The following TMEM106C variants were observed in gnomAD, a reference collection of about 807,000 sequenced individuals.
The protein encoded by TMEM106C is endoplasmic reticulum membrane protein overexpressed in cancer.
A neutral mutation model predicts 30.8 loss-of-function variants in TMEM106C; 27 were observed. The ratio of observed to expected loss-of-function variants is 0.88; its 90% CI spans 0.65 to 1.21. The LOEUF is 1.21. Among genes scored for constraint, TMEM106C ranks in the 50% most tolerant of loss-of-function variants. TMEM106C has a pLI of 0.00. For synonymous variants in TMEM106C, 123 were observed against 118.8 expected (o/e 1.04, Z -0.23); for missense variants, 288 against 307.8 (o/e 0.94, Z 0.48).
chr12:47,966,704 G>A lies in TMEM106C; in HGVS notation c.574G>A (p.Glu192Lys), dbSNP rs778191373. 5.0e-6 allele frequency: 8 copies of A among 1,614,066 alleles called. No individual in the cohort carries two copies. The highest frequency in any genetic ancestry group is 4.0e-5 in the African/African-American group (3 of 74,910). The change falls in exon 6 of 8, where the codon GAG becomes AAG. Residue 192 changes from glutamate to lysine, a missense_variant. Glu to Lys is a moderately conservative substitution (Grantham distance 56). Coordinates refer to ENST00000429772, the MANE Select transcript of TMEM106C (RefSeq NM_001143842.2). ...EQLVNFTGKAEMGGPFSYVYF... is the reference protein window; with the variant it reads ...EQLVNFTGKAKMGGPFSYVYF... ...TCAGGTGAATTTTACCGGGAAGGCC[G>A]AGATGGGAGGACCGTTTTCCTATGT...
chr12:47,968,107 A>C, intron 7 of TMEM106C, 26 bp from the exon 8 acceptor site: 1 of 1,588,854 alleles, frequency 6.3e-7, no homozygotes, highest in East Asian at 2.2e-5. Context: ...AACATAATTA[A>C]TTCTTCTTGG....
At chr12:47,966,471 C>G in intron 5 of TMEM106C, 1 of 692,280 alleles carries the variant, frequency 1.4e-6, no homozygotes, top group Non-Finnish European at 2.4e-6. Flanking sequence ...AAATAAGAAG[C>G]AGCAGTGTTA....
intron 5 of TMEM106C, chr12:47,966,464 TAAG>T (rs1938227208): frequency 4.3e-6 from 3 of 696,514 alleles, no homozygotes; most frequent in East Asian, 2.7e-5. Context: ...TGCTACAAAA[TAAG>T]AAGCAGCAGT....
At chr12:47,964,066 C>G (rs973417598) in intron 1 of TMEM106C, 143 bp from the exon 2 acceptor site, 1 of 658,858 alleles carries the variant, frequency 1.5e-6, no homozygotes, top group East Asian at 2.7e-5. Flanking sequence ...AAATGAGGGT[C>G]CCGATAGAAA....
At chr12:47,964,494 A>T (rs763866441) in intron 2 of TMEM106C, 71 bp downstream of exon 2, 2 of 1,506,184 alleles carry the variant, frequency 1.3e-6, no homozygotes, top group South Asian at 1.2e-5. Flanking sequence ...CTGCCCAGAC[A>T]ACTTTTCTTC....
At chr12:47,967,713 G>A (rs142696571) in intron 7 of TMEM106C, among the ~76,000 whole-genome samples, 7 of 152,310 alleles carry the variant, frequency 4.6e-5, no homozygotes, top group Non-Finnish European at 7.3e-5. Flanking sequence ...TGAGGGGTTA[G>A]AGCAGAGTTT....
rs1938261543 is a variant in TMEM106C at position 47,967,198 on chromosome 12, T to G, written c.603-10T>G. 2 of 1,613,248 alleles carry G rather than the reference T, an allele frequency of 1.2e-6. No individual in the cohort carries two copies. Among genetic ancestry groups the G allele is most frequent in the South Asian group, 1.1e-5 (1 of 90,936 alleles). ...AAAAACTGACTATTTCCATATTTGC[T>G]GTTTGGTAGCTTCTTCTGCACGGTA... is the stretch of plus-strand genomic sequence containing the variant. On this transcript the variant is annotated splice_polypyrimidine_tract_variant and intron_variant, in intron 6 of 7. Coordinates refer to ENST00000429772, the MANE Select transcript of TMEM106C (RefSeq NM_001143842.2).
intron 2 of TMEM106C, 190 bp downstream of exon 2, chr12:47,964,613 C>A (rs1242631091): frequency 1.7e-6 from 1 of 598,550 alleles, no homozygotes; most frequent in South Asian, 2.0e-5. Flanking sequence ...ATTTTTCCAA[C>A]CCTTTCTTTT....
intron 3 of TMEM106C, 131 bp from the exon 4 acceptor site, chr12:47,965,707 T>C (rs1938196228): frequency 1.7e-6 from 2 of 1,143,164 alleles, no homozygotes; most frequent in African/African-American, 1.6e-5. Flanking sequence ...GCTTCTTAAC[T>C]GGTTTATGGT....
intron 1 of TMEM106C, chr12:47,963,936 GC>G (rs1938133200): frequency 6.5e-6 from 3 of 460,460 alleles, no homozygotes; most frequent in Non-Finnish European, 7.9e-6. Context: ...GAGCGGGGGT[GC>G]CCCAAGTCCC....
At chr12:47,966,884 T>G (rs1393748558) in intron 6 of TMEM106C, 152 bp downstream of exon 6, 1 of 737,076 alleles carries the variant, frequency 1.4e-6, no homozygotes, top group Non-Finnish European at 2.3e-6. Flanking sequence ...ATTTGAAGAA[T>G]GTATTATTAT....
In TMEM106C at chr12:47,964,252, T is replaced by C; in HGVS notation, c.16T>C (p.Ser6Pro). Reference protein sequence around the residue: MGSQHSAAARPSSCRR... With the variant: MGSQHPAAARPSSCRR... ...TATCACGGCCATGGGGTCTCAGCAT[T>C]CCGCTGCTGCTCGCCCCTCCTCCTG... Residue 6 changes from serine to proline, a missense_variant, in exon 2 of 8, where the codon TCC (serine) becomes CCC (proline). By Grantham distance (74) the Ser-to-Pro change is moderately conservative (BLOSUM62 -1). Coordinates refer to ENST00000429772, the MANE Select transcript of TMEM106C (RefSeq NM_001143842.2). 6.2e-7 allele frequency: 1 copy of C among 1,613,330 alleles called. No homozygotes were observed. Among genetic ancestry groups the C allele is most frequent in the Non-Finnish European group, 8.5e-7 (1 of 1,179,612 alleles).
intron 6 of TMEM106C, 85 bp from the exon 7 acceptor site, chr12:47,967,123 C>A: frequency 7.0e-7 from 1 of 1,431,770 alleles, no homozygotes; most frequent in Non-Finnish European, 9.8e-7. Flanking sequence ...GGGGGCACCC[C>A]AAACAGGACA....
chr12:47,963,784 T>G (rs1441048983), intron 1 of TMEM106C, 80 bp downstream of exon 1: 5 of 212,138 alleles, frequency 2.4e-5, no homozygotes, highest in African/African-American at 4.7e-5. Context: ...GGGCGTGACC[T>G]GAGCCCGCCT....
At position 47,965,949 on chromosome 12, in the gene TMEM106C, G is replaced by A. The variant is rs748163564; in HGVS notation, c.363G>A (p.Val121=). Residue 121 remains valine (V), a synonymous_variant, in exon 4 of 8, where the codon GTG becomes GTA. Coordinates refer to ENST00000429772, the MANE Select transcript of TMEM106C (RefSeq NM_001143842.2). ...TGGATGATGACGGCATCAAAGTGGT[G>A]AAAGTCACATTTAATAAGCAAGACT... ...VLVDDDGIKV[V]KVTFNKQDSL... The A allele has an allele frequency of 9.3e-6, 15 of 1,614,118 alleles. No individual in the cohort carries two copies. In the East Asian group the frequency reaches 3.1e-4, roughly 34 times the overall value.
At chr12:47,965,556 T>C (rs1020935286) in intron 3 of TMEM106C, 5 of 646,000 alleles carry the variant, frequency 7.7e-6, no homozygotes, top group East Asian at 2.7e-5. Flanking sequence ...GGTCAAGGAA[T>C]GGAATCAGAA....
chr12:47,964,299 C>G lies in TMEM106C; in HGVS notation c.63C>G (p.Asp21Glu). The change falls in exon 2 of 8, where the codon GAC (aspartate) becomes GAG (glutamate). Residue 21 changes from aspartate (D) to glutamate (E), a missense_variant. Asp to Glu is a conservative substitution (Grantham distance 45). Coordinates refer to ENST00000429772, the MANE Select transcript of TMEM106C (RefSeq NM_001143842.2). ...CCTGCAGGCGAAAGCAAGAAGATGACAGGGACGGTTTGCTGGCTGAACGAG... is the reference window on the plus strand; with the variant it reads ...CCTGCAGGCGAAAGCAAGAAGATGAGAGGGACGGTTTGCTGGCTGAACGAG... ...PSSCRRKQED[D>E]RDGLLAEREQ... The G allele has an allele frequency of 6.2e-7, 1 of 1,614,112 alleles. No individual in the cohort carries two copies. Among genetic ancestry groups the G allele is most frequent in the East Asian group, 2.2e-5 (1 of 44,886 alleles).
In TMEM106C at chr12:47,965,870, G is replaced by C. The variant is rs1389414451; in HGVS notation, c.284G>C (p.Cys95Ser). The change falls in exon 4 of 8, where the codon TGT (cysteine) becomes TCT (serine). Residue 95 changes from cysteine to serine, a missense_variant. Cys to Ser is a moderately radical substitution (Grantham distance 112). Coordinates refer to ENST00000429772, the MANE Select transcript of TMEM106C (RefSeq NM_001143842.2). ...TATGTCCTCCTGTCCATCCTGCTTT[G>C]TCTCCTGGCATCTGGTTTGGTGGTT... is the stretch of plus-strand genomic sequence containing the variant. Reference protein sequence around the residue: ...KQYVLLSILLCLLASGLVVFF... With the variant: ...KQYVLLSILLSLLASGLVVFF... 6.2e-7 allele frequency: 1 copy of C among 1,614,168 alleles called. No homozygotes were observed. The highest frequency in any genetic ancestry group is 1.7e-5 in the Admixed American group (1 of 60,026).
At chr12:47,965,639 T>C in intron 3 of TMEM106C, 199 bp from the exon 4 acceptor site, 1 of 744,374 alleles carries the variant, frequency 1.3e-6, no homozygotes, top group Non-Finnish European at 2.3e-6. Flanking sequence ...CTTCAGCTTT[T>C]CTTCCCAGAG....
Sources: gnomAD v4.1 joint callset for allele counts (sites outside exome capture counted in the v4.1 genomes callset) on GRCh38, gnomAD v4.1.1 for gene constraint, MANE v1.5 for transcripts, NCBI Gene and HGNC (gene_info 2026-07-23, HGNC 2026-07-21) for gene names.